BRINP3: variants seen among roughly 807,000 people sequenced by gnomAD.
BRINP3 encodes BMP/retinoic acid-inducible neural-specific protein 3.
A neutral mutation model predicts 71.0 loss-of-function variants in BRINP3; 19 were observed. The observed-to-expected ratio is 0.27, with a 90% CI of 0.19 to 0.39. The LOEUF (loss-of-function observed/expected upper bound fraction) is 0.39. BRINP3 is among the 10% of genes least tolerant of loss of function. BRINP3 has a pLI of 1.00. For missense variants in BRINP3, 959 were observed against 940.8 expected, an observed-to-expected ratio of 1.02 and a Z score of -0.25; for synonymous variants, 380 against 337.7, an observed-to-expected ratio of 1.13 and a Z score of -1.37.
At chr1:190,186,232 G>A (rs1653508954) in intron 6 of BRINP3, among the ~76,000 whole-genome samples, 1 of 151,780 alleles carries the variant, frequency 6.6e-6, no homozygotes, top group African/African-American at 2.4e-5. Context: ...AAAAAAATTA[G>A]CCAGACATCG....
intron 2 of BRINP3, among the ~76,000 whole-genome samples, chr1:190,301,211 A>G (rs1664694347): frequency 2.7e-5 from 1 of 37,512 alleles, no homozygotes; most frequent in African/African-American, 6.7e-5. Flanking sequence ...ATACATATAT[A>G]TATATATATA....
intron 6 of BRINP3, among the ~76,000 whole-genome samples, chr1:190,161,846 G>A (rs1651003631): frequency 6.6e-6 from 1 of 152,120 alleles, no homozygotes; most frequent in Non-Finnish European, 1.5e-5. Flanking sequence ...AGCATAGACA[G>A]ACCTTTAAGA....
At chr1:190,235,173 C>G (rs1658396115) in intron 4 of BRINP3, among the ~76,000 whole-genome samples, 1 of 152,066 alleles carries the variant, frequency 6.6e-6, no homozygotes, top group African/African-American at 2.4e-5. Context: ...TTGATGATTT[C>G]TACCTGTGTT....
chr1:190,380,809 T>TA (rs369122979), intron 2 of BRINP3, among the ~76,000 whole-genome samples: 120 of 151,066 alleles, frequency 7.9e-4, no homozygotes, highest in African/African-American at 1.9e-3. Flanking sequence ...GCAGAACTTC[T>TA]AAAAAAAAAC....
At chr1:190,219,832 CA>C (rs951175128) in intron 6 of BRINP3, among the ~76,000 whole-genome samples, 38 of 133,154 alleles carry the variant, frequency 2.9e-4, no homozygotes, top group East Asian at 2.2e-3. Context: ...AGTGAGACTC[CA>C]AAAAAAAAAT....
At chr1:190,443,021 T>C (rs1270756405) in intron 2 of BRINP3, among the ~76,000 whole-genome samples, 1 of 150,448 alleles carries the variant, frequency 6.6e-6, no homozygotes, top group Non-Finnish European at 1.5e-5. Context: ...CAAGTGATTC[T>C]CCTGCCTCGG....
Position 190,454,645 on chromosome 1 carries a change from T to A in BRINP3, c.236+10A>T, listed in dbSNP as rs1348377955. On this transcript the variant is annotated intron_variant, in intron 2 of 7. Coordinates refer to ENST00000367462, the MANE Select transcript of BRINP3 (RefSeq NM_199051.3). ...GATATTTCTGTAATTGCTTTCCCTT[T>A]GCTTCATACCTGTATATCTTGTATC... is the stretch of plus-strand genomic sequence containing the variant. The A allele has an allele frequency of 6.2e-7, 1 of 1,606,502 alleles. No homozygotes were observed. Among genetic ancestry groups the A allele is most frequent in the Admixed American group, 1.7e-5 (1 of 59,700 alleles).
At chr1:190,254,398 T>C (rs1006068339) in intron 4 of BRINP3, among the ~76,000 whole-genome samples, 1 of 152,124 alleles carries the variant, frequency 6.6e-6, no homozygotes, top group Non-Finnish European at 1.5e-5. Flanking sequence ...ATTCTTCCTA[T>C]CCATGAGCAT....
At chr1:190,107,469 T>A (rs1177941089) in intron 7 of BRINP3, among the ~76,000 whole-genome samples, 1 of 152,008 alleles carries the variant, frequency 6.6e-6, no homozygotes, top group Non-Finnish European at 1.5e-5. Flanking sequence ...TAAATGATCT[T>A]CCTTAACAAT....
chr1:190,476,393 G>C (rs1010785410), intron 1 of BRINP3, among the ~76,000 whole-genome samples: 1 of 152,020 alleles, frequency 6.6e-6, no homozygotes, highest in African/African-American at 2.4e-5. Flanking sequence ...ACCCTCAGTG[G>C]GTGTTAAAAA....
intron 3 of BRINP3, among the ~76,000 whole-genome samples, chr1:190,272,709 A>G (rs1662216244): frequency 6.6e-6 from 1 of 151,476 alleles, no homozygotes; most frequent in African/African-American, 2.4e-5. Flanking sequence ...TAATAATAGT[A>G]GTGGGTTATC....
intron 4 of BRINP3, among the ~76,000 whole-genome samples, chr1:190,258,515 T>C (rs919566639): frequency 2.6e-5 from 4 of 151,872 alleles, no homozygotes; most frequent in African/African-American, 9.7e-5. Flanking sequence ...CCTTGATTGA[T>C]CAAGATAAAA....
chr1:190,182,462 C>T (rs929148598), intron 6 of BRINP3, among the ~76,000 whole-genome samples: 6 of 151,976 alleles, frequency 3.9e-5, no homozygotes, highest in African/African-American at 1.4e-4. Context: ...CTTATTAATT[C>T]TTCTGTTGAG....
chr1:190,321,678 GT>G (rs1666256041), intron 2 of BRINP3, among the ~76,000 whole-genome samples: 1 of 151,906 alleles, frequency 6.6e-6, no homozygotes, highest in African/African-American at 2.4e-5. Flanking sequence ...ATTAATTGAC[GT>G]TTTATTATCT....
At chr1:190,464,757 A>T (rs764608221) in intron 1 of BRINP3, among the ~76,000 whole-genome samples, 1 of 151,816 alleles carries the variant, frequency 6.6e-6, no homozygotes, top group African/African-American at 2.4e-5. Flanking sequence ...CTTGTCTTCA[A>T]TCATATTATA....
At chr1:190,186,631 A>G (rs1653552945) in intron 6 of BRINP3, among the ~76,000 whole-genome samples, 1 of 152,102 alleles carries the variant, frequency 6.6e-6, no homozygotes. Flanking sequence ...GTGCCTTTCC[A>G]AAACACAAAC....
intron 2 of BRINP3, among the ~76,000 whole-genome samples, chr1:190,294,849 A>G (rs910994779): frequency 2.6e-5 from 4 of 151,880 alleles, no homozygotes; most frequent in African/African-American, 4.8e-5. Context: ...CCCTGACCCT[A>G]GGTTTGTTGT....
chr1:190,273,004 G>A (rs535876825), intron 3 of BRINP3, among the ~76,000 whole-genome samples: 1 of 150,834 alleles, frequency 6.6e-6, no homozygotes, highest in Admixed American at 6.6e-5. Flanking sequence ...TTTTGAGAAG[G>A]GCACTCAATT....
At chr1:190,156,647 T>C (rs1019877021) in intron 7 of BRINP3, among the ~76,000 whole-genome samples, 1 of 151,954 alleles carries the variant, frequency 6.6e-6, no homozygotes, top group Non-Finnish European at 1.5e-5. Flanking sequence ...AATAAACAAA[T>C]TTATCTAGCA....
Sources: allele counts gnomAD v4.1 joint callset (sites outside exome capture counted in the v4.1 genomes callset), GRCh38; gene constraint gnomAD v4.1.1; transcripts MANE v1.5; gene names NCBI Gene and HGNC (gene_info 2026-07-23, HGNC 2026-07-21).